The following MYH14 variants were observed in gnomAD, a reference collection of about 807,000 sequenced individuals.
MYH14 encodes myosin heavy chain 14.
A neutral mutation model predicts 255.5 loss-of-function variants in MYH14; 123 were observed. That is an observed-to-expected ratio of 0.48 (90% CI 0.42 to 0.56). The LOEUF is 0.56. Among genes scored for constraint, MYH14 ranks in the 20% least tolerant of loss-of-function variants. MYH14 has a pLI of 0.00. For synonymous variants in MYH14, 1,095 were observed against 1,161.2 expected (o/e 0.94, Z 1.16); for missense variants, 2,423 against 2,802.3 (o/e 0.86, Z 3.06).
At chr19:50,233,824 C>T (rs1285554759) in intron 10 of MYH14, among the ~76,000 whole-genome samples, 3 of 69,768 alleles carry the variant, frequency 4.3e-5, no homozygotes, top group Admixed American at 1.5e-4. Context: ...CCGACCCCCC[C>T]GCCCCAACCT....
At position 50,227,906 on chromosome 19, in the gene MYH14, T is replaced by C. The variant is rs147237291; in HGVS notation, c.874+940T>C. On this transcript the variant is annotated intron_variant, in intron 8 of 42. Transcript: ENST00000642316. Reference sequence around the variant, plus strand: ...AACATAGAACCTACCCAAGAGGGGTTTGGAGGATTTTGGAGTTAAATGCTT... The same window carrying C: ...AACATAGAACCTACCCAAGAGGGGTCTGGAGGATTTTGGAGTTAAATGCTT... 3.8e-4 allele frequency among the ~76,000 whole-genome samples: 58 copies of C among 152,160 alleles called. 2 individuals carry two copies. The East Asian group carries it at 9.1e-3, about 24-fold the overall frequency.
intron 40 of MYH14, among the ~76,000 whole-genome samples, chr19:50,303,024 G>A (rs952509088): frequency 2.0e-5 from 3 of 152,244 alleles, no homozygotes. Flanking sequence ...AGTAACTGCA[G>A]TCTCACTACG....
In MYH14 at chr19:50,302,298, A is replaced by AT. The variant is rs1555778551; in HGVS notation, c.5678+429_5678+430insT. ...GACCTTGTCTCTAAAAAAAAAAAAA[A>AT]CAGCCAGGCACAGTGGCTCACACCT... On this transcript the variant is annotated intron_variant, in intron 40 of 42. Transcript: ENST00000642316. Among the ~76,000 whole-genome samples, 3 of 144,568 alleles carry AT rather than the reference A, an allele frequency of 2.1e-5. No homozygotes were observed. In the East Asian group the frequency reaches 6.4e-4, roughly 31 times the overall value. The allele number at this position is 144,568 out of a possible 152,430, so 94.8% of individuals were successfully genotyped here. A position where few individuals can be genotyped will look rare whatever the true frequency, so the allele number is the denominator to read the frequency against.
At chr19:50,234,506 C>G (rs2033565960) in intron 10 of MYH14, among the ~76,000 whole-genome samples, 1 of 152,154 alleles carries the variant, frequency 6.6e-6, no homozygotes, top group African/African-American at 2.4e-5. Flanking sequence ...GCTTGGCTGT[C>G]TACCCAGGCT....
chr19:50,304,117 T>C (rs2036580003), intron 40 of MYH14, among the ~76,000 whole-genome samples: 1 of 152,246 alleles, frequency 6.6e-6, no homozygotes, highest in South Asian at 2.1e-4. Flanking sequence ...AGAAAGACCA[T>C]TGTTATCCTA....
At chr19:50,239,526 C>A (rs74612541) in intron 10 of MYH14, among the ~76,000 whole-genome samples, 32,063 of 152,038 alleles carry the variant, frequency 0.21, 3,629 homozygotes, top group Middle Eastern at 0.27. Context: ...GCTGACCTCC[C>A]ACCCCCACTC....
chr19:50,237,823 AC>A (rs1237320129), intron 10 of MYH14, among the ~76,000 whole-genome samples: 8 of 152,342 alleles, frequency 5.3e-5, no homozygotes, highest in African/African-American at 1.9e-4. Flanking sequence ...TGTTTTGCTT[AC>A]AAGGAGTGGA....
chr19:50,223,431 C>T, intron 5 of MYH14, 82 bp downstream of exon 5: 1 of 991,646 alleles, frequency 1.0e-6, no homozygotes. Flanking sequence ...ACAATTGTCT[C>T]TTCCCCTCAT....
chr19:50,269,099 A>G (rs1340911764), intron 24 of MYH14, among the ~76,000 whole-genome samples: 1 of 152,258 alleles, frequency 6.6e-6, no homozygotes, highest in African/African-American at 2.4e-5. Context: ...TAAATTTAAA[A>G]TAAATAAAAT....
intron 24 of MYH14, among the ~76,000 whole-genome samples, chr19:50,270,060 A>T (rs1226226918): frequency 6.6e-6 from 1 of 152,126 alleles, no homozygotes; most frequent in Admixed American, 6.5e-5. Flanking sequence ...AAAAACAAAA[A>T]CACAAAAATT....
chr19:50,237,327 A>AT (rs113618588), intron 10 of MYH14, among the ~76,000 whole-genome samples: 2,913 of 142,416 alleles, frequency 0.02, 63 homozygotes, highest in African/African-American at 0.054. Context: ...AGGTGTGAAC[A>AT]TTTTTTTTTT....
chr19:50,234,403 G>A (rs1357101908), intron 10 of MYH14, among the ~76,000 whole-genome samples: 1 of 152,168 alleles, frequency 6.6e-6, no homozygotes, highest in African/African-American at 2.4e-5. Flanking sequence ...CCGCCTCTGG[G>A]TCTGATTGTC....
At chr19:50,249,610 C>CCTG (rs71180687) in intron 13 of MYH14, 40 bp from the exon 14 acceptor site, 140 of 1,603,720 alleles carry the variant, frequency 8.7e-5, no homozygotes, top group Non-Finnish European at 1.1e-4. Context: ...GTCTCTGTCC[C>CCTG]TCTCCATCCT....
At chr19:50,253,580 A>G (rs10410240) in intron 16 of MYH14, among the ~76,000 whole-genome samples, 4,398 of 152,170 alleles carry the variant, frequency 0.029, 213 homozygotes, top group African/African-American at 0.099. Context: ...GCCCCCAGGG[A>G]AGAAGAAAGA....
rs1171891709 is a variant in MYH14, at chr19:50,286,536, G to T, written c.4594G>T (p.Ala1532Ser). 1.9e-6 allele frequency: 3 copies of T among 1,613,388 alleles called. No individual in the cohort carries two copies. In the Admixed American group the frequency reaches 5.0e-5, roughly 27 times the overall value. ...TCGGGCAGTGGAGGAACGTGAGCGG[G>T]CCGAGGCAGAGGGCCGGGAGCGTGA... Reference protein sequence around the residue: ...VLRAVEERERAEAEGREREAR... With the variant: ...VLRAVEERERSEAEGREREAR... The change falls in exon 34 of 43, where the codon GCC (alanine) becomes TCC (serine). Residue 1532 changes from alanine (A) to serine (S), a missense_variant. Around this residue, in one of 3 missense-constraint regions of MYH14, gnomAD observed 1,513 missense variants for 1,674.8 expected, o/e 0.90. Transcript: ENST00000642316.
chr19:50,277,823 A>G (rs2123411267), intron 29 of MYH14, among the ~76,000 whole-genome samples: 1 of 152,180 alleles, frequency 6.6e-6, no homozygotes, highest in Non-Finnish European at 1.5e-5. Flanking sequence ...AGGCTGAGAC[A>G]GGAGAATCAC....
chr19:50,207,723 G>A (rs767569317), intron 1 of MYH14, among the ~76,000 whole-genome samples: 5 of 152,186 alleles, frequency 3.3e-5, no homozygotes, highest in South Asian at 4.1e-4. Context: ...TGAGATAGGC[G>A]TGACCAGAGG....
At chr19:50,219,979 T>C (rs1349605355) in intron 3 of MYH14, among the ~76,000 whole-genome samples, 1 of 152,118 alleles carries the variant, frequency 6.6e-6, no homozygotes, top group Admixed American at 6.6e-5. Flanking sequence ...GGCAGGAGAA[T>C]TGCTTGAGTT....
At chr19:50,235,890 C>A (rs1369458174) in intron 10 of MYH14, among the ~76,000 whole-genome samples, 1 of 152,092 alleles carries the variant, frequency 6.6e-6, no homozygotes, top group Non-Finnish European at 1.5e-5. Context: ...ATATTTTGGC[C>A]ATAGTTGTGG....
Sources: gnomAD v4.1 joint callset for allele counts (sites outside exome capture counted in the v4.1 genomes callset) on GRCh38, gnomAD v4.1.1 for gene constraint, gnomAD v4.1.1 regional missense constraint, MANE v1.5 for transcripts, NCBI Gene and HGNC (gene_info 2026-07-23, HGNC 2026-07-21) for gene names.